TET1: variants seen among roughly 807,000 people sequenced by gnomAD.
TET1 encodes methylcytosine dioxygenase TET1.
TET1 carries 13 observed loss-of-function variants against 148.7 expected under a neutral mutation model. The ratio of observed to expected loss-of-function variants is 0.09; its 90% CI spans 0.06 to 0.14. TET1 has a LOEUF of 0.14. Ranked by LOEUF, TET1 falls within the 10% of genes least tolerant of loss-of-function variation. The pLI, the probability that TET1 is intolerant of heterozygous loss-of-function variation, is 1.00. For missense variants in TET1, 2,182 were observed against 2,553.8 expected (o/e 0.85, Z 3.14); for synonymous variants, 907 against 937.2 (o/e 0.97, Z 0.59).
At chr10:68,627,731 G>C (rs1156875505) in intron 3 of TET1, among the ~76,000 whole-genome samples, 1 of 151,104 alleles carries the variant, frequency 6.6e-6, no homozygotes, top group Non-Finnish European at 1.5e-5. Context: ...TTCAAGACCA[G>C]CCTGGCCATC....
In TET1 at chr10:68,645,593, A is replaced by C. The variant is rs1412712898; in HGVS notation, c.2864A>C (p.His955Pro). 6.2e-7 allele frequency: 1 copy of C among 1,614,138 alleles called. No homozygotes were observed. The highest frequency in any genetic ancestry group is 1.1e-5 in the South Asian group (1 of 91,072). The change falls in exon 4 of 12, where the codon CAC becomes CCC. Residue 955 changes from histidine to proline, a missense_variant. Physicochemically the swap from His to Pro is moderately conservative, Grantham distance 77 (BLOSUM62 -2). This residue lies in a region of TET1 where 582 missense variants were observed against 599.5 expected (regional missense o/e 0.97). Transcript: ENST00000373644. ...NLQGEPPKLN[H>P]CPSLEKQSSC... is the part of the protein sequence containing the mutation. ...CAGGGAGAGCCACCAAAACTTAATC[A>C]CTGTCCATCTTTGGAAAAACAAAGT...
At chr10:68,566,037 A>G (rs2053604417) in intron 1 of TET1, among the ~76,000 whole-genome samples, 1 of 152,210 alleles carries the variant, frequency 6.6e-6, no homozygotes, top group Non-Finnish European at 1.5e-5. Context: ...AATGATAAAG[A>G]TTATCTTAAT....
chr10:68,630,138 G>A (rs34049619), intron 3 of TET1, among the ~76,000 whole-genome samples: 27,909 of 152,080 alleles, frequency 0.18, 2,631 homozygotes, highest in South Asian at 0.24. Flanking sequence ...TAGAGGACAC[G>A]GGCTGGATGG....
At chr10:68,595,551 G>T (rs901514713) in intron 2 of TET1, among the ~76,000 whole-genome samples, 1 of 149,548 alleles carries the variant, frequency 6.7e-6, no homozygotes, top group Non-Finnish European at 1.5e-5. Context: ...AAGAGAAGTG[G>T]AGTTTTGGAA....
intron 3 of TET1, among the ~76,000 whole-genome samples, chr10:68,643,998 G>A (rs542447500): frequency 7.3e-5 from 11 of 151,616 alleles, no homozygotes; most frequent in African/African-American, 2.4e-4. Flanking sequence ...TCTGCCTCCC[G>A]GGTTCAAGCG....
At chr10:68,617,142 C>A (rs546929689) in intron 3 of TET1, among the ~76,000 whole-genome samples, 1 of 148,792 alleles carries the variant, frequency 6.7e-6, no homozygotes, top group Non-Finnish European at 1.5e-5. Context: ...CTGCCTCAGC[C>A]TCCCGAGTAG....
chr10:68,602,637 A>G (rs2054072055), intron 3 of TET1, among the ~76,000 whole-genome samples: 1 of 152,210 alleles, frequency 6.6e-6, no homozygotes, highest in Non-Finnish European at 1.5e-5. Context: ...TAAAAAGTAA[A>G]TATGCCATGT....
chr10:68,592,343 C>G (rs377231557), intron 2 of TET1, among the ~76,000 whole-genome samples: 11 of 152,006 alleles, frequency 7.2e-5, no homozygotes, highest in Middle Eastern at 3.4e-3. Context: ...AAAAACAAAA[C>G]AAAACAAGAG....
intron 2 of TET1, among the ~76,000 whole-genome samples, chr10:68,596,027 C>CACACACATAT (rs71470531): frequency 0.015 from 909 of 61,394 alleles, 12 homozygotes; most frequent in East Asian, 0.021. Flanking sequence ...CACACACACA[C>CACACACATAT]ATATATATAT....
At chr10:68,584,823 A>G (rs542879196) in intron 2 of TET1, among the ~76,000 whole-genome samples, 3 of 146,200 alleles carry the variant, frequency 2.1e-5, no homozygotes, top group East Asian at 4.1e-4. Context: ...TTCTACACAT[A>G]TCTCTTTTTT....
At chr10:68,597,393 A>G (rs2054001477) in intron 2 of TET1, among the ~76,000 whole-genome samples, 1 of 152,188 alleles carries the variant, frequency 6.6e-6, no homozygotes, top group Non-Finnish European at 1.5e-5. Context: ...CTAAATATTG[A>G]ACAATTAACC....
intron 1 of TET1, among the ~76,000 whole-genome samples, chr10:68,569,705 G>C (rs1391616250): frequency 6.6e-6 from 1 of 152,144 alleles, no homozygotes; most frequent in Non-Finnish European, 1.5e-5. Context: ...TTGGGGCCAG[G>C]AGTTCAAGGT....
At chr10:68,676,991 G>A (rs182100325) in intron 8 of TET1, among the ~76,000 whole-genome samples, 10 of 152,274 alleles carry the variant, frequency 6.6e-5, no homozygotes, top group Non-Finnish European at 1.2e-4. Context: ...CAAAGCAAAC[G>A]CCAGCAAGAG....
chr10:68,687,166 G>A (rs1412875078), intron 11 of TET1, among the ~76,000 whole-genome samples: 2 of 82,204 alleles, frequency 2.4e-5, no homozygotes, highest in South Asian at 4.3e-4. Context: ...GCCTCCCAAA[G>A]TGCTGGGATT....
chr10:68,663,710 G>C (rs897940821), intron 6 of TET1, among the ~76,000 whole-genome samples: 1 of 152,172 alleles, frequency 6.6e-6, no homozygotes, highest in African/African-American at 2.4e-5. Context: ...ATTAGGAATA[G>C]ATAGTATATT....
chr10:68,603,929 G>A (rs1208429103), intron 3 of TET1, among the ~76,000 whole-genome samples: 1 of 152,204 alleles, frequency 6.6e-6, no homozygotes, highest in Non-Finnish European at 1.5e-5. Flanking sequence ...AGGCCAGAAT[G>A]GGTATCAGCT....
intron 1 of TET1, among the ~76,000 whole-genome samples, chr10:68,564,853 T>A (rs1308040215): frequency 6.6e-6 from 1 of 152,022 alleles, no homozygotes; most frequent in Non-Finnish European, 1.5e-5. Context: ...GATCCTCATC[T>A]CTACAAAAAA....
At chr10:68,668,322 C>A (rs1156664482) in intron 7 of TET1, among the ~76,000 whole-genome samples, 1 of 152,140 alleles carries the variant, frequency 6.6e-6, no homozygotes, top group Non-Finnish European at 1.5e-5. Flanking sequence ...GGTATTTAGG[C>A]ATGTTTTTCT....
chr10:68,580,483 A>G (rs1018940644), intron 2 of TET1, among the ~76,000 whole-genome samples: 1 of 150,388 alleles, frequency 6.6e-6, no homozygotes, highest in African/African-American at 2.4e-5. Context: ...GCCAACTTAA[A>G]AATCTTTTGT....
Sources: allele counts gnomAD v4.1 joint callset (sites outside exome capture counted in the v4.1 genomes callset), GRCh38; gene constraint gnomAD v4.1.1; regional missense constraint gnomAD v4.1.1; transcripts MANE v1.5; gene names NCBI Gene and HGNC (gene_info 2026-07-23, HGNC 2026-07-21).